The following ACSM3 variants were observed in gnomAD, a reference collection of about 807,000 sequenced individuals.
ACSM3 encodes the protein acyl-coenzyme A synthetase ACSM3, mitochondrial.
Under a neutral mutation model 74.1 loss-of-function variants are expected in ACSM3, and 61 were observed. That is an observed-to-expected ratio of 0.82 (90% CI 0.67 to 1.02). The LOEUF (loss-of-function observed/expected upper bound fraction) is 1.02. Among genes scored for constraint, ACSM3 ranks in the 50% least tolerant of loss-of-function variants. ACSM3 has a pLI of 0.00. For synonymous variants in ACSM3, 213 were observed against 241.5 expected (o/e 0.88, Z 1.09); for missense variants, 660 against 697.0 (o/e 0.95, Z 0.60).
At chr16:20,704,692 T>C (rs886445445) in intron 1 of ACSM3, among the ~76,000 whole-genome samples, 4 of 152,096 alleles carry the variant, frequency 2.6e-5, no homozygotes, top group African/African-American at 9.7e-5. Context: ...ATATTAAGAG[T>C]TCCCAAGACA....
intron 2 of ACSM3, among the ~76,000 whole-genome samples, chr16:20,772,711 G>A (rs2080207855): frequency 6.6e-6 from 1 of 152,056 alleles, no homozygotes; most frequent in Non-Finnish European, 1.5e-5. Flanking sequence ...CTGTTTCATT[G>A]GTCTATGCAT....
At chr16:20,682,152 TA>T (rs1437401788) in intron 1 of ACSM3, 17 of 1,137,804 alleles carry the variant, frequency 1.5e-5, no homozygotes, top group Non-Finnish European at 2.0e-5. Flanking sequence ...CTGGTGCACC[TA>T]AATAATAAAT....
At chr16:20,752,987 A>G (rs1467793169) in intron 2 of ACSM3, among the ~76,000 whole-genome samples, 2 of 152,234 alleles carry the variant, frequency 1.3e-5, no homozygotes, top group Non-Finnish European at 2.9e-5. Context: ...AGCAAAATCA[A>G]CACTGAATTT....
At chr16:20,735,413 CTT>C (rs2079860752) in intron 1 of ACSM3, 1 of 147,650 alleles carries the variant, frequency 6.8e-6, no homozygotes, top group African/African-American at 2.5e-5. Flanking sequence ...ATAAATGGGT[CTT>C]TGATACAGGT....
intron 1 of ACSM3, among the ~76,000 whole-genome samples, chr16:20,705,139 G>A (rs1480097362): frequency 5.9e-5 from 9 of 152,236 alleles, no homozygotes; most frequent in South Asian, 2.1e-4. Flanking sequence ...TTGGGAGGCC[G>A]AGGCGGGCAG....
intron 1 of ACSM3, chr16:20,682,184 G>A: frequency 6.8e-7 from 1 of 1,466,400 alleles, no homozygotes; most frequent in Admixed American, 1.7e-5. Context: ...CAACCCCACT[G>A]GTCTCTCTGA....
At position 20,758,725 on chromosome 16, in the gene ACSM3, G is replaced by T. The variant is rs571225004; in HGVS notation, c.-52+3109G>T. On this transcript the variant is annotated intron_variant, in intron 3 of 3. Transcript: ENST00000561584. ...TAGTTCTTTTAATTGTGATGTTAGG[G>T]TGTCAATTTTGGATCTTTCCTGCTT... 1.1e-4 allele frequency among the ~76,000 whole-genome samples: 16 copies of T among 150,840 alleles called. No individual in the cohort carries two copies. In the East Asian group the frequency reaches 2.3e-3, roughly 22 times the overall value.
chr16:20,731,955 A>G (rs993108343), intron 1 of ACSM3, among the ~76,000 whole-genome samples: 3 of 152,218 alleles, frequency 2.0e-5, no homozygotes, highest in Non-Finnish European at 4.4e-5. Context: ...AATCACTACT[A>G]AGATTCTTTC....
upstream of ACSM3, among the ~76,000 whole-genome samples, chr16:20,761,063 A>T (rs1485513017): frequency 3.3e-5 from 5 of 152,038 alleles, no homozygotes; most frequent in Non-Finnish European, 7.4e-5. Context: ...CTCCTTTGAG[A>T]TGTCCCAACT....
chr16:20,712,543 T>TA (rs975757381), intron 1 of ACSM3, among the ~76,000 whole-genome samples: 13 of 151,458 alleles, frequency 8.6e-5, no homozygotes, highest in Non-Finnish European at 1.3e-4. Context: ...TCCTAAGATG[T>TA]AAAAAAAAGA....
At chr16:20,761,498 C>T (rs2080076482), upstream of ACSM3, among the ~76,000 whole-genome samples, 1 of 152,162 alleles carries the variant, frequency 6.6e-6, no homozygotes, top group Non-Finnish European at 1.5e-5. Flanking sequence ...TAGGACATGA[C>T]ACCCAAGCTG....
At chr16:20,744,468 T>C (rs2079949696) in intron 1 of ACSM3, among the ~76,000 whole-genome samples, 1 of 152,212 alleles carries the variant, frequency 6.6e-6, no homozygotes, top group Non-Finnish European at 1.5e-5. Flanking sequence ...CACTGCAACG[T>C]CCACTTACTG....
intron 12 of ACSM3, chr16:20,792,708 G>A (rs1246370403): frequency 6.1e-6 from 6 of 985,308 alleles, no homozygotes; most frequent in African/African-American, 5.2e-5. Context: ...GAGGTCCCTG[G>A]TGTAGTGAAG....
chr16:20,741,484 C>A, intron 1 of ACSM3: 2 of 204,104 alleles, frequency 9.8e-6, no homozygotes, highest in Admixed American at 6.6e-5. Context: ...GCAGCCGGCC[C>A]GCCCGCCCAC....
In ACSM3 at chr16:20,757,893, CAT is replaced by C. The variant is rs1171278548; in HGVS notation, c.-52+2278_-52+2279del. On this transcript the variant is annotated intron_variant, in intron 3 of 3. Coordinates refer to the ACSM3 transcript ENST00000561584. ...CCTTTTCTGCATCTATTGAGATAAT[CAT>C]GTGGTTTTTGTCTTTGGTTCTGTTT... Among the ~76,000 whole-genome samples the C allele has an allele frequency of 6.6e-3, 1,006 of 152,200 alleles. 11 individuals carry two copies. The highest frequency in any genetic ancestry group is 0.022 in the African/African-American group (902 of 41,524).
At chr16:20,789,790 C>T (rs985362543) in intron 9 of ACSM3, among the ~76,000 whole-genome samples, 3 of 150,466 alleles carry the variant, frequency 2.0e-5, no homozygotes, top group Admixed American at 6.6e-5. Flanking sequence ...TTCTCCTGCT[C>T]AACCTCCCAA....
At chr16:20,796,522 A>G (rs747647355) in intron 13 of ACSM3, 33 bp downstream of exon 13, 4 of 1,606,172 alleles carry the variant, frequency 2.5e-6, no homozygotes, top group Non-Finnish European at 3.4e-6. Flanking sequence ...ATATTTGCTC[A>G]GTGTTGTGGA....
chr16:20,734,748 C>A (rs1377669729), intron 1 of ACSM3: 1 of 152,120 alleles, frequency 6.6e-6, no homozygotes, highest in African/African-American at 2.4e-5. Flanking sequence ...ATTCAGGAAA[C>A]CCCTAAACCC....
At chr16:20,687,103 T>C (rs973154784) in intron 1 of ACSM3, among the ~76,000 whole-genome samples, 1 of 151,846 alleles carries the variant, frequency 6.6e-6, no homozygotes, top group Admixed American at 6.6e-5. Context: ...GTGAAACTTG[T>C]TTACAATGTT....
Sources: allele counts gnomAD v4.1 joint callset (sites outside exome capture counted in the v4.1 genomes callset), GRCh38; gene constraint gnomAD v4.1.1; transcripts MANE v1.5; gene names NCBI Gene and HGNC (gene_info 2026-07-23, HGNC 2026-07-21).